CDYL: variants seen among roughly 807,000 people sequenced by gnomAD.
CDYL encodes chromodomain Y-like protein.
Under a neutral mutation model 47.3 loss-of-function variants are expected in CDYL, and 8 were observed. That is an observed-to-expected ratio of 0.17 (90% CI 0.10 to 0.31). The LOEUF is 0.31. CDYL is among the 10% of genes least tolerant of loss of function. CDYL has a pLI of 1.00. For missense variants in CDYL, 471 were observed against 701.4 expected, an observed-to-expected ratio of 0.67 and a Z score of 3.71; for synonymous variants, 266 against 265.0, an observed-to-expected ratio of 1.00 and a Z score of -0.04.
intron 1 of CDYL, among the ~76,000 whole-genome samples, chr6:4,786,912 G>C (rs898463864): frequency 6.6e-6 from 1 of 152,092 alleles, no homozygotes; most frequent in Non-Finnish European, 1.5e-5. Context: ...CAGGTCCCTC[G>C]AGTTGAGGCT....
At chr6:4,709,646 A>G (rs1231958549) in intron 1 of CDYL, among the ~76,000 whole-genome samples, 1 of 152,174 alleles carries the variant, frequency 6.6e-6, no homozygotes, top group Non-Finnish European at 1.5e-5. Flanking sequence ...TCTCCTCAAG[A>G]GGGAACCTCT....
At chr6:4,945,420 C>A (rs1218791631) in intron 5 of CDYL, among the ~76,000 whole-genome samples, 1 of 152,094 alleles carries the variant, frequency 6.6e-6, no homozygotes, top group African/African-American at 2.4e-5. Flanking sequence ...TCAGAGCTGC[C>A]CTGCTCCTCA....
At chr6:4,828,077 A>T (rs1760028302) in intron 1 of CDYL, among the ~76,000 whole-genome samples, 1 of 152,122 alleles carries the variant, frequency 6.6e-6, no homozygotes, top group Admixed American at 6.5e-5. Flanking sequence ...TTTCTTTTTC[A>T]GCTTTGAGTT....
chr6:4,748,944 G>T (rs915676905), intron 3 of CDYL, among the ~76,000 whole-genome samples: 1 of 152,098 alleles, frequency 6.6e-6, no homozygotes, highest in Non-Finnish European at 1.5e-5. Context: ...AGACTGGAAG[G>T]GATCTTAGCA....
chr6:4,900,775 G>GTGTGTGTGTATATATGTA (rs869079309), intron 2 of CDYL, among the ~76,000 whole-genome samples: 93 of 2,492 alleles, frequency 0.037, 3 homozygotes, highest in Non-Finnish European at 0.1. Context: ...TTCCGTATAC[G>GTGTGTGTGTATATATGTA]TGTGTATATA....
intron 2 of CDYL, among the ~76,000 whole-genome samples, chr6:4,923,553 C>T (rs960630689): frequency 5.9e-5 from 9 of 152,032 alleles, no homozygotes; most frequent in Admixed American, 3.3e-4. Context: ...GCCTCTTTGA[C>T]GTGCTGATTT....
chr6:4,716,237 A>C (rs1453021117), intron 2 of CDYL, among the ~76,000 whole-genome samples: 1 of 138,792 alleles, frequency 7.2e-6, no homozygotes, highest in African/African-American at 2.9e-5. Context: ...TGACAGCAAG[A>C]CTCCATCTCA....
chr6:4,837,170 C>T (rs1157443798), intron 1 of CDYL, among the ~76,000 whole-genome samples: 1 of 152,172 alleles, frequency 6.6e-6, no homozygotes, highest in Admixed American at 6.5e-5. Context: ...TATGAATTGG[C>T]AATTTGTTTT....
chr6:4,716,290 T>C (rs1263172305), intron 2 of CDYL, among the ~76,000 whole-genome samples: 2 of 152,034 alleles, frequency 1.3e-5, no homozygotes, highest in Non-Finnish European at 2.9e-5. Flanking sequence ...TCAGAAATTG[T>C]TCAACATAAG....
chr6:4,874,173 A>G (rs749618433), intron 1 of CDYL, among the ~76,000 whole-genome samples: 2 of 151,940 alleles, frequency 1.3e-5, no homozygotes, highest in African/African-American at 2.4e-5. Context: ...CGTTACTCAT[A>G]TTTATTGGCC....
chr6:4,810,445 A>G (rs1016673731), intron 1 of CDYL, among the ~76,000 whole-genome samples: 3 of 152,150 alleles, frequency 2.0e-5, no homozygotes, highest in African/African-American at 7.2e-5. Flanking sequence ...TTCAGATTTT[A>G]TCAGTTGTTG....
chr6:4,812,999 A>T (rs2127445008), intron 1 of CDYL, among the ~76,000 whole-genome samples: 1 of 152,314 alleles, frequency 6.6e-6, no homozygotes, highest in African/African-American at 2.4e-5. Flanking sequence ...TTTCAAAAAG[A>T]CTGATTTCTA....
At chr6:4,885,906 T>C (rs1355155642) in intron 1 of CDYL, among the ~76,000 whole-genome samples, 1 of 152,204 alleles carries the variant, frequency 6.6e-6, no homozygotes. Flanking sequence ...ATCTTCCTAT[T>C]TACCCCTGTT....
chr6:4,874,670 C>T (rs1387120291), intron 1 of CDYL, among the ~76,000 whole-genome samples: 2 of 152,220 alleles, frequency 1.3e-5, no homozygotes. Context: ...CAACTACCAT[C>T]TCCCTAGAGG....
At chr6:4,792,585 A>G (rs576738257) in intron 1 of CDYL, among the ~76,000 whole-genome samples, 1 of 151,880 alleles carries the variant, frequency 6.6e-6, no homozygotes, top group Non-Finnish European at 1.5e-5. Flanking sequence ...ACAGGCACAC[A>G]CTACCATGGC....
intron 2 of CDYL, among the ~76,000 whole-genome samples, chr6:4,895,607 C>T (rs575599595): frequency 4.6e-5 from 7 of 151,700 alleles, no homozygotes; most frequent in South Asian, 2.1e-4. Flanking sequence ...TTCAAAACTT[C>T]GAGCCAACAA....
At chr6:4,786,047 A>C (rs1758746607) in intron 1 of CDYL, among the ~76,000 whole-genome samples, 1 of 152,258 alleles carries the variant, frequency 6.6e-6, no homozygotes, top group Non-Finnish European at 1.5e-5. Context: ...TGTAAGCGAA[A>C]AAATTAAGTC....
chr6:4,779,319 G>A (rs1561846575), intron 1 of CDYL, among the ~76,000 whole-genome samples: 1 of 152,182 alleles, frequency 6.6e-6, no homozygotes, highest in Admixed American at 6.5e-5. Flanking sequence ...CACAAATCTA[G>A]AGGGATATAT....
rs577757505 is a variant in CDYL at position 4,920,008 on chromosome 6, A to G, written c.692-15507A>G. ...ATGTGGCCTATCCGCAGAATGGAAT[A>G]TGAATCAGCCTTAAAAAGCATGGAG... On this transcript the variant is annotated intron_variant, in intron 2 of 6. Coordinates refer to ENST00000397588, the MANE Select transcript of CDYL (RefSeq NM_004824.4). 9.8e-5 allele frequency among the ~76,000 whole-genome samples: 15 copies of G among 152,368 alleles called. No homozygotes were observed. The South Asian group carries it at 2.3e-3, about 23-fold the overall frequency.
Sources: allele counts gnomAD v4.1 joint callset (sites outside exome capture counted in the v4.1 genomes callset), GRCh38; gene constraint gnomAD v4.1.1; transcripts MANE v1.5; gene names NCBI Gene and HGNC (gene_info 2026-07-23, HGNC 2026-07-21).